The following WWOX variants were observed in gnomAD, a reference collection of about 807,000 sequenced individuals.
WWOX encodes the protein WW domain-containing oxidoreductase.
A neutral mutation model predicts 46.2 loss-of-function variants in WWOX; 69 were observed. That is an observed-to-expected ratio of 1.49 (90% confidence interval 1.23 to 1.82). WWOX has a LOEUF of 1.82. WWOX is among the 40% of genes most tolerant of loss of function. The pLI is 0.00. For synonymous variants in WWOX, 359 were observed against 202.6 expected, an observed-to-expected ratio of 1.77 and a Z score of -6.56; for missense variants, 919 against 542.6, an observed-to-expected ratio of 1.69 and a Z score of -6.89.
chr16:79,100,224 T>G (rs2049163820), intron 8 of WWOX, among the ~76,000 whole-genome samples: 1 of 151,920 alleles, frequency 6.6e-6, no homozygotes, highest in African/African-American at 2.4e-5. Context: ...CATCCCAGGG[T>G]AGATGTTAAA....
At chr16:78,736,062 G>C (rs560078449) in intron 8 of WWOX, among the ~76,000 whole-genome samples, 2 of 152,174 alleles carry the variant, frequency 1.3e-5, no homozygotes, top group Admixed American at 1.3e-4. Flanking sequence ...ACAGGGATTC[G>C]GCTTCGCTTG....
intron 4 of WWOX, among the ~76,000 whole-genome samples, chr16:78,125,510 T>G (rs1357685679): frequency 6.6e-6 from 1 of 152,114 alleles, no homozygotes; most frequent in African/African-American, 2.4e-5. Context: ...GAGTGGCATC[T>G]GCGGGGAGGG....
At chr16:78,588,026 T>G (rs941984836) in intron 8 of WWOX, among the ~76,000 whole-genome samples, 7 of 152,218 alleles carry the variant, frequency 4.6e-5, no homozygotes, top group Non-Finnish European at 8.8e-5. Context: ...TGCAATTCAG[T>G]TCAGCATTAT....
At chr16:78,559,903 C>T (rs1008265310) in intron 8 of WWOX, among the ~76,000 whole-genome samples, 2 of 152,184 alleles carry the variant, frequency 1.3e-5, no homozygotes, top group Non-Finnish European at 2.9e-5. Context: ...ACTTGGCTTA[C>T]AATCCGTTGC....
At chr16:78,935,180 G>A (rs971148546) in intron 8 of WWOX, among the ~76,000 whole-genome samples, 1 of 152,160 alleles carries the variant, frequency 6.6e-6, no homozygotes, top group Non-Finnish European at 1.5e-5. Flanking sequence ...TTCAACCATT[G>A]TGGAAGACAT....
chr16:78,771,530 G>A (rs906113673), intron 8 of WWOX, among the ~76,000 whole-genome samples: 1 of 152,150 alleles, frequency 6.6e-6, no homozygotes, highest in Non-Finnish European at 1.5e-5. Context: ...CCAGCACTTT[G>A]GGAGGCTGAG....
At chr16:78,441,063 C>T (rs557984360) in intron 8 of WWOX, among the ~76,000 whole-genome samples, 22 of 152,294 alleles carry the variant, frequency 1.4e-4, no homozygotes, top group African/African-American at 5.3e-4. Flanking sequence ...CTGTGTCAGC[C>T]TCCTGAGTAG....
intron 8 of WWOX, among the ~76,000 whole-genome samples, chr16:78,684,320 G>A (rs978342624): frequency 3.9e-5 from 6 of 152,156 alleles, no homozygotes; most frequent in Admixed American, 3.9e-4. Flanking sequence ...GCGGTGGCAG[G>A]TAATACAAAA....
chr16:78,734,326 T>C (rs1299069481), intron 8 of WWOX, among the ~76,000 whole-genome samples: 3 of 152,100 alleles, frequency 2.0e-5, no homozygotes, highest in East Asian at 1.9e-4. Context: ...GCCTCAGATA[T>C]AAGCTTAGGA....
chr16:79,097,343 C>G (rs979856974), intron 8 of WWOX, among the ~76,000 whole-genome samples: 1 of 146,206 alleles, frequency 6.8e-6, no homozygotes, highest in African/African-American at 2.6e-5. Flanking sequence ...TATCTGGCTC[C>G]AAAACTTTTT....
intron 5 of WWOX, chr16:78,241,221 G>C (rs563808132): frequency 6.6e-5 from 10 of 152,304 alleles, no homozygotes; most frequent in East Asian, 5.8e-4. Flanking sequence ...TCGGTGTGCC[G>C]TCAGCATGGT....
intron 8 of WWOX, among the ~76,000 whole-genome samples, chr16:78,637,574 C>G (rs1002937445): frequency 1.3e-5 from 2 of 152,224 alleles, no homozygotes; most frequent in Non-Finnish European, 2.9e-5. Flanking sequence ...TTGGAACCTT[C>G]TACTACATCC....
intron 8 of WWOX, among the ~76,000 whole-genome samples, chr16:78,566,755 A>G (rs1237808773): frequency 2.0e-5 from 3 of 152,170 alleles, no homozygotes; most frequent in African/African-American, 7.2e-5. Context: ...TTCCTGCCAG[A>G]AAGGTGGAGA....
intron 8 of WWOX, among the ~76,000 whole-genome samples, chr16:78,731,870 C>G (rs1466794208): frequency 8.3e-6 from 1 of 120,872 alleles, no homozygotes; most frequent in African/African-American, 3.7e-5. Flanking sequence ...TTTTGAGAGA[C>G]AGGGTCTTGC....
At chr16:78,820,395 G>A (rs138091376) in intron 8 of WWOX, among the ~76,000 whole-genome samples, 2 of 152,136 alleles carry the variant, frequency 1.3e-5, no homozygotes, top group Non-Finnish European at 2.9e-5. Context: ...AGATCTGGGA[G>A]TATTGTTTGG....
chr16:78,954,793 A>G (rs1173269082), intron 8 of WWOX, among the ~76,000 whole-genome samples: 1 of 152,028 alleles, frequency 6.6e-6, no homozygotes, highest in Non-Finnish European at 1.5e-5. Flanking sequence ...TTTATTTGTT[A>G]TTATTATGTT....
intron 5 of WWOX, chr16:78,241,225 G>C (rs1200134949): frequency 6.6e-6 from 1 of 152,206 alleles, no homozygotes; most frequent in East Asian, 1.9e-4. Flanking sequence ...TGTGCCGTCA[G>C]CATGGTTCCC....
chr16:78,619,127 T>C (rs2046105144), intron 8 of WWOX, among the ~76,000 whole-genome samples: 1 of 41,618 alleles, frequency 2.4e-5, no homozygotes, highest in Non-Finnish European at 4.4e-5. Flanking sequence ...AAAACCCCAT[T>C]TCTACTAAAA....
intron 8 of WWOX, among the ~76,000 whole-genome samples, chr16:79,022,330 C>G (rs1392372315): frequency 7.3e-6 from 1 of 137,736 alleles, no homozygotes; most frequent in African/African-American, 2.8e-5. Context: ...AGAGGACTCT[C>G]CAGCAATCTG....
Sources: gnomAD v4.1 joint callset for allele counts (sites outside exome capture counted in the v4.1 genomes callset) on GRCh38, gnomAD v4.1.1 for gene constraint, MANE v1.5 for transcripts, NCBI Gene and HGNC (gene_info 2026-07-23, HGNC 2026-07-21) for gene names.